The following GPR158 variants were observed in gnomAD, a reference collection of about 807,000 sequenced individuals.
GPR158 encodes the protein G protein-coupled receptor 158, also known as metabotropic glycine receptor.
In GPR158, 30 loss-of-function variants were observed where a neutral mutation model predicts 78.2. The ratio of observed to expected loss-of-function variants is 0.38; its 90% CI spans 0.29 to 0.52. The LOEUF is 0.52. Among genes scored for constraint, GPR158 ranks in the 20% least tolerant of loss-of-function variants. The pLI is 0.83. For missense variants in GPR158, 1,463 were observed against 1,523.5 expected (o/e 0.96, Z 0.66); for synonymous variants, 581 against 591.1 (o/e 0.98, Z 0.25).
At chr10:25,247,487 C>G (rs1394304895) in intron 2 of GPR158, among the ~76,000 whole-genome samples, 1 of 113,530 alleles carries the variant, frequency 8.8e-6, no homozygotes, top group African/African-American at 3.4e-5. Context: ...CACCACAGTC[C>G]CCAGAGTGTG....
chr10:25,283,028 A>C (rs557202512), intron 2 of GPR158, among the ~76,000 whole-genome samples: 2 of 152,030 alleles, frequency 1.3e-5, no homozygotes, highest in Non-Finnish European at 2.9e-5. Context: ...TCATAAAATG[A>C]CTGGGGAAGT....
intron 5 of GPR158, among the ~76,000 whole-genome samples, chr10:25,518,096 C>G (rs1272666954): frequency 3.4e-4 from 33 of 96,588 alleles, no homozygotes; most frequent in Admixed American, 3.1e-3. Flanking sequence ...CTGGTTTAGT[C>G]TTGGGAGAGT....
intron 2 of GPR158, among the ~76,000 whole-genome samples, chr10:25,364,994 A>G (rs925454311): frequency 6.6e-6 from 1 of 151,838 alleles, no homozygotes; most frequent in African/African-American, 2.4e-5. Flanking sequence ...GAAATAATCA[A>G]CATTTCAACT....
intron 2 of GPR158, among the ~76,000 whole-genome samples, chr10:25,256,771 A>T (rs1286621807): frequency 4.6e-5 from 7 of 152,182 alleles, no homozygotes; most frequent in African/African-American, 7.2e-5. Context: ...CCCTAATTAA[A>T]CATATAGATA....
chr10:25,476,404 C>T (rs1394889414), intron 5 of GPR158, among the ~76,000 whole-genome samples: 10 of 145,990 alleles, frequency 6.8e-5, no homozygotes, highest in Non-Finnish European at 1.5e-4. Flanking sequence ...TTTTTCTTTC[C>T]CCTCTAACCT....
chr10:25,576,829 G>A (rs551139136), intron 7 of GPR158, among the ~76,000 whole-genome samples: 18 of 152,080 alleles, frequency 1.2e-4, no homozygotes, highest in Non-Finnish European at 2.9e-5. Context: ...ATCAAGACTC[G>A]TGATGAGAGT....
At chr10:25,218,750 A>G (rs1225439052) in intron 1 of GPR158, among the ~76,000 whole-genome samples, 1 of 152,216 alleles carries the variant, frequency 6.6e-6, no homozygotes, top group African/African-American at 2.4e-5. Flanking sequence ...GTGTTGAGTC[A>G]GAAATTTCAC....
intron 2 of GPR158, among the ~76,000 whole-genome samples, chr10:25,250,825 A>C (rs962784822): frequency 2.0e-5 from 3 of 150,682 alleles, no homozygotes; most frequent in Non-Finnish European, 4.4e-5. Flanking sequence ...GATGTCTATT[A>C]GGTCCGCTTG....
At chr10:25,355,511 T>A (rs1855537622) in intron 2 of GPR158, among the ~76,000 whole-genome samples, 1 of 152,110 alleles carries the variant, frequency 6.6e-6, no homozygotes, top group Non-Finnish European at 1.5e-5. Flanking sequence ...ATCACCATCT[T>A]GTTACTGGCT....
Position 25,203,768 on chromosome 10 carries a change from A to C in GPR158, c.903-17284A>C, listed in dbSNP as rs1169935140. Among the ~76,000 whole-genome samples the C allele has an allele frequency of 2.1e-5, 3 of 144,602 alleles. 1 individual carries two copies. The highest frequency in any genetic ancestry group is 7.9e-5 in the African/African-American group (3 of 37,814). 94.9% of individuals were successfully genotyped at this position (144,602 alleles called of 152,430 possible). A position where few individuals can be genotyped will look rare whatever the true frequency, so the allele number is the denominator to read the frequency against. ...TTTTTTTGGTTCCATATGAACTTTA[A>C]AGTAGTTTTTTTTCAAATTCTGTGA... is the stretch of plus-strand genomic sequence containing the variant. On this transcript the variant is annotated intron_variant, in intron 1 of 10. Coordinates refer to ENST00000376351, the MANE Select transcript of GPR158 (RefSeq NM_020752.3).
intron 2 of GPR158, among the ~76,000 whole-genome samples, chr10:25,331,826 A>G (rs2130493167): frequency 6.6e-6 from 1 of 152,310 alleles, no homozygotes; most frequent in South Asian, 2.1e-4. Flanking sequence ...TTTCTCTGGG[A>G]TTTGATTCAA....
chr10:25,314,238 C>T (rs1447925940), intron 2 of GPR158, among the ~76,000 whole-genome samples: 1 of 152,014 alleles, frequency 6.6e-6, no homozygotes, highest in African/African-American at 2.4e-5. Context: ...GTAGCTGGGA[C>T]TACATGCGTG....
intron 7 of GPR158, among the ~76,000 whole-genome samples, chr10:25,585,033 G>T (rs1837248359): frequency 6.6e-6 from 1 of 152,232 alleles, no homozygotes; most frequent in Admixed American, 6.5e-5. Flanking sequence ...GAGGTCCCAG[G>T]TTACAAAACC....
At chr10:25,331,493 T>C (rs542268503) in intron 2 of GPR158, among the ~76,000 whole-genome samples, 1 of 152,286 alleles carries the variant, frequency 6.6e-6, no homozygotes, top group East Asian at 1.9e-4. Context: ...TTTATTATGA[T>C]TAGAGGTGAA....
chr10:25,489,743 A>G (rs1000241656), intron 5 of GPR158, among the ~76,000 whole-genome samples: 8 of 152,244 alleles, frequency 5.3e-5, no homozygotes, highest in Admixed American at 3.9e-4. Flanking sequence ...GGATATTGAT[A>G]TATGCACAAA....
chr10:25,489,711 G>T (rs1488074061), intron 5 of GPR158, among the ~76,000 whole-genome samples: 2 of 152,038 alleles, frequency 1.3e-5, no homozygotes, highest in South Asian at 2.1e-4. Context: ...TCCTTCATGT[G>T]TTCCCACTGC....
chr10:25,204,128 G>A (rs891602872), intron 1 of GPR158, among the ~76,000 whole-genome samples: 1 of 152,162 alleles, frequency 6.6e-6, no homozygotes, highest in African/African-American at 2.4e-5. Flanking sequence ...TGCTGAAGTT[G>A]CTTATCAGTT....
intron 2 of GPR158, among the ~76,000 whole-genome samples, chr10:25,255,706 C>T (rs1487635179): frequency 2.6e-5 from 4 of 152,208 alleles, no homozygotes; most frequent in African/African-American, 2.4e-5. Flanking sequence ...TTCTTCAGAA[C>T]AACCAGGAGA....
At chr10:25,434,911 G>A (rs530559200) in intron 4 of GPR158, among the ~76,000 whole-genome samples, 32 of 149,640 alleles carry the variant, frequency 2.1e-4, no homozygotes, top group African/African-American at 7.6e-4. Flanking sequence ...TAGAAGATAA[G>A]AGGGACAGTC....
Sources: gnomAD v4.1 joint callset for allele counts (sites outside exome capture counted in the v4.1 genomes callset) on GRCh38, gnomAD v4.1.1 for gene constraint, MANE v1.5 for transcripts, NCBI Gene and HGNC (gene_info 2026-07-23, HGNC 2026-07-21) for gene names.